Variants in HNRNPC observed in about 807,000 individuals in gnomAD.
HNRNPC encodes the protein heterogeneous nuclear ribonucleoproteins C1/C2.
HNRNPC carries 3 observed loss-of-function variants against 33.2 expected under a neutral mutation model. The ratio of observed to expected loss-of-function variants is 0.09; its 90% CI spans 0.04 to 0.23. The LOEUF is 0.23. Among genes scored for constraint, HNRNPC ranks in the 10% least tolerant of loss-of-function variants. HNRNPC has a pLI of 1.00. For synonymous variants in HNRNPC, 121 were observed against 126.7 expected, an observed-to-expected ratio of 0.96 and a Z score of 0.30; for missense variants, 143 against 366.7, an observed-to-expected ratio of 0.39 and a Z score of 4.98.
At chr14:21,255,309 A>T (rs1328214882) in intron 2 of HNRNPC, among the ~76,000 whole-genome samples, 1 of 152,098 alleles carries the variant, frequency 6.6e-6, no homozygotes, top group African/African-American at 2.4e-5. Context: ...AGAAAACAGG[A>T]AGAATATTTC....
At chr14:21,223,710 T>C (rs149491668) in intron 5 of HNRNPC, among the ~76,000 whole-genome samples, 1 of 152,192 alleles carries the variant, frequency 6.6e-6, no homozygotes. Context: ...GATGCGCCAC[T>C]GCACTCGAGC....
At chr14:21,221,962 T>C (rs961921306) in intron 5 of HNRNPC, among the ~76,000 whole-genome samples, 2 of 131,086 alleles carry the variant, frequency 1.5e-5, no homozygotes, top group Admixed American at 2.0e-4. Context: ...GGCAGGAGAA[T>C]GGTGTGAACT....
intron 2 of HNRNPC, among the ~76,000 whole-genome samples, chr14:21,246,386 C>T (rs1200562751): frequency 1.3e-5 from 2 of 151,868 alleles, no homozygotes; most frequent in Non-Finnish European, 2.9e-5. Context: ...GGTGAAACTC[C>T]GTCTCTACTA....
In HNRNPC at chr14:21,209,664, A is replaced by G. The variant is rs995571857; in HGVS notation, c.*1559T>C. The G allele has an allele frequency of 2.0e-5, 3 of 152,194 alleles. No homozygotes were observed. The highest frequency in any genetic ancestry group is 4.4e-5 in the Non-Finnish European group (3 of 68,026). The allele number at this position is 152,194 out of a possible 1,614,324, so 9.4% of individuals were successfully genotyped here. A position where few individuals can be genotyped will look rare whatever the true frequency, so the allele number is the denominator to read the frequency against. On this transcript the variant is annotated 3_prime_UTR_variant, in exon 9 of 9. Transcript: ENST00000553300. ...AAAATGATCTATAAAATCCTCATAA[A>G]TAAGACATGAGTTTTGCCTGTAATG...
At chr14:21,232,869 C>A (rs1364212990) in intron 3 of HNRNPC, among the ~76,000 whole-genome samples, 1 of 152,040 alleles carries the variant, frequency 6.6e-6, no homozygotes, top group African/African-American at 2.4e-5. Context: ...AACCTCACCT[C>A]TACTAAAAAA....
chr14:21,250,682 T>C (rs966181056), intron 2 of HNRNPC, among the ~76,000 whole-genome samples: 12 of 152,220 alleles, frequency 7.9e-5, no homozygotes, highest in African/African-American at 1.4e-4. Context: ...ATGTTTTATA[T>C]TGTATTATTT....
intron 6 of HNRNPC, 70 bp downstream of exon 6, chr14:21,212,890 T>A (rs1891772120): frequency 1.3e-6 from 2 of 1,573,338 alleles, no homozygotes; most frequent in African/African-American, 2.7e-5. Context: ...ACAAAAATAT[T>A]GTAACTGCAT....
chr14:21,253,644 A>G (rs1293091564), intron 2 of HNRNPC, among the ~76,000 whole-genome samples: 2 of 152,144 alleles, frequency 1.3e-5, no homozygotes, highest in Non-Finnish European at 2.9e-5. Context: ...TCAGAATAAT[A>G]CAGGGTCAAA....
chr14:21,226,163 A>G (rs1893397249), intron 5 of HNRNPC, among the ~76,000 whole-genome samples: 1 of 151,804 alleles, frequency 6.6e-6, no homozygotes, highest in Non-Finnish European at 1.5e-5. Context: ...TCTACTAAAA[A>G]TACAAAAAAT....
Position 21,233,325 on chromosome 14 carries a change from C to T in HNRNPC, c.241+628G>A, listed in dbSNP as rs186462603. Among the ~76,000 whole-genome samples the T allele has an allele frequency of 3.3e-5, 5 of 152,078 alleles. No homozygotes were observed. The East Asian group carries it at 9.7e-4, about 29-fold the overall frequency. ...GTCAATATACATAGTAGAATGTATACAAAGAATAAACTAAATCACAAATAT... is the reference window on the plus strand; with the variant it reads ...GTCAATATACATAGTAGAATGTATATAAAGAATAAACTAAATCACAAATAT... On this transcript the variant is annotated intron_variant, in intron 3 of 8. Transcript: ENST00000553300.
chr14:21,228,037 G>A (rs1893678553), intron 5 of HNRNPC, among the ~76,000 whole-genome samples: 1 of 152,182 alleles, frequency 6.6e-6, no homozygotes, highest in African/African-American at 2.4e-5. Context: ...TAGTACTTAA[G>A]AAAGTCTGCA....
intron 6 of HNRNPC, 90 bp downstream of exon 6, chr14:21,212,870 G>T: frequency 6.7e-7 from 1 of 1,499,418 alleles, no homozygotes; most frequent in Non-Finnish European, 9.3e-7. Flanking sequence ...AATACACAAA[G>T]TCATGTGGCA....
intron 2 of HNRNPC, chr14:21,254,546 C>T (rs530962669): frequency 6.6e-6 from 1 of 152,228 alleles, no homozygotes; most frequent in East Asian, 1.9e-4. Flanking sequence ...AGATGAGGTA[C>T]CTCCTCTCCC....
rs187201724 is a variant in HNRNPC, at chr14:21,218,498, C to G, written c.366-5381G>C. On this transcript the variant is annotated intron_variant, in intron 5 of 8. Transcript: ENST00000553300. Reference sequence around the variant, plus strand: ...ATCATGAGTTAAGAGACTAGCCTGGCCAACATGGTGAAACCCGGTTTCTAC... The same window carrying G: ...ATCATGAGTTAAGAGACTAGCCTGGGCAACATGGTGAAACCCGGTTTCTAC... Among the ~76,000 whole-genome samples the G allele has an allele frequency of 2.9e-4, 44 of 150,012 alleles. 1 individual carries two copies. The highest frequency in any genetic ancestry group is 2.7e-3 in the Admixed American group (40 of 15,056).
chr14:21,243,304 G>GT (rs1895574382), intron 2 of HNRNPC, among the ~76,000 whole-genome samples: 1 of 152,066 alleles, frequency 6.6e-6, no homozygotes, highest in Non-Finnish European at 1.5e-5. Flanking sequence ...ACTTCAGTGC[G>GT]TATCATGTTT....
chr14:21,213,214 T>A, intron 5 of HNRNPC, 97 bp from the exon 6 acceptor site: 1 of 1,242,924 alleles, frequency 8.0e-7, no homozygotes, highest in Non-Finnish European at 1.1e-6. Context: ...ATATTGTCTC[T>A]AGTCGTTTCC....
chr14:21,220,515 C>T (rs531913832), intron 5 of HNRNPC, among the ~76,000 whole-genome samples: 1 of 152,322 alleles, frequency 6.6e-6, no homozygotes, highest in East Asian at 1.9e-4. Flanking sequence ...AGGCGTCAGC[C>T]ACCACTCTCG....
At chr14:21,242,410 A>C (rs1330237953) in intron 2 of HNRNPC, among the ~76,000 whole-genome samples, 1 of 152,186 alleles carries the variant, frequency 6.6e-6, no homozygotes, top group Non-Finnish European at 1.5e-5. Flanking sequence ...CTTGAACCCA[A>C]GACGCGGAGG....
intron 2 of HNRNPC, among the ~76,000 whole-genome samples, chr14:21,249,593 C>CAAAA (rs756880620): frequency 0.047 from 3,899 of 83,354 alleles, 129 homozygotes; most frequent in Admixed American, 0.14. Context: ...GTCTCAAAAA[C>CAAAA]AAAAAAAAAA....
Sources: gnomAD v4.1 joint callset for allele counts (sites outside exome capture counted in the v4.1 genomes callset) on GRCh38, gnomAD v4.1.1 for gene constraint, MANE v1.5 for transcripts, NCBI Gene and HGNC (gene_info 2026-07-23, HGNC 2026-07-21) for gene names.